SMG7: variants seen among roughly 807,000 people sequenced by gnomAD.
SMG7 encodes the protein nonsense-mediated mRNA decay factor SMG7.
Under a neutral mutation model 148.2 loss-of-function variants are expected in SMG7, and 34 were observed. That is an observed-to-expected ratio of 0.23 (90% CI 0.17 to 0.31). SMG7 has a LOEUF of 0.31. Ranked by LOEUF, SMG7 falls within the 10% of genes least tolerant of loss-of-function variation. The probability of loss-of-function intolerance (pLI) is 1.00; values close to 1 mark genes in which losing one functional copy is unlikely to be tolerated. For missense variants in SMG7, 1,114 were observed against 1,408.4 expected (o/e 0.79, Z 3.35); for synonymous variants, 492 against 515.1 (o/e 0.96, Z 0.61).
intron 1 of SMG7, among the ~76,000 whole-genome samples, chr1:183,482,600 A>G (rs544475462): frequency 3.5e-4 from 53 of 152,246 alleles, no homozygotes; most frequent in Admixed American, 9.2e-4. Context: ...GTACAGTACA[A>G]TATATTTTGA....
chr1:183,548,815 ATGTTAATGTTTTAAAAAT>A (rs1245817010), intron 18 of SMG7: 1 of 178,678 alleles, frequency 5.6e-6, no homozygotes, highest in African/African-American at 2.4e-5. Context: ...AAAGTCACCA[ATGTTAATGTTTTAAAAAT>A]TGTGGGGTGG....
chr1:183,522,562 A>C (rs899438600), intron 4 of SMG7, among the ~76,000 whole-genome samples: 2 of 152,154 alleles, frequency 1.3e-5, no homozygotes, highest in African/African-American at 4.8e-5. Context: ...TGAAATAGAG[A>C]TAAGTTTATA....
intron 1 of SMG7, among the ~76,000 whole-genome samples, chr1:183,495,270 CT>C (rs1658207562): frequency 6.6e-6 from 1 of 151,952 alleles, no homozygotes; most frequent in Admixed American, 6.6e-5. Flanking sequence ...GATTTATAGG[CT>C]TATAATTTTC....
chr1:183,526,689 A>C lies in SMG7; in HGVS notation c.406A>C (p.Thr136Pro). Reference sequence around the variant, plus strand: ...AATTATCAGCAATAAACAGACGCATACCAGCGCCATAGTGAAGCCACAGTC... The same window carrying C: ...AATTATCAGCAATAAACAGACGCATCCCAGCGCCATAGTGAAGCCACAGTC... ...LGIISNKQTH[T>P]SAIVKPQSSS... The change falls in exon 5 of 23, where the codon ACC becomes CCC. Residue 136 changes from threonine (T) to proline (P), a missense_variant. By Grantham distance (38) the Thr-to-Pro change is conservative. This residue lies in a region of SMG7 where 216 missense variants were observed against 329.1 expected (regional missense o/e 0.66). Coordinates refer to ENST00000688051, the MANE Select transcript of SMG7 (RefSeq NM_001375584.1). 1 of 1,613,850 alleles carries C rather than the reference A, an allele frequency of 6.2e-7. No individual in the cohort carries two copies. Among genetic ancestry groups the C allele is most frequent in the Non-Finnish European group, 8.5e-7 (1 of 1,179,834 alleles).
chr1:183,512,773 TGTTA>T (rs1331374275), intron 1 of SMG7, 60 bp from the exon 2 acceptor site: 13 of 1,443,636 alleles, frequency 9.0e-6, no homozygotes, highest in South Asian at 2.5e-5. Context: ...GTTATTTATA[TGTTA>T]GTTAGGCCTC....
intron 1 of SMG7, chr1:183,472,906 A>C: frequency 4.0e-5 from 14 of 347,932 alleles, no homozygotes; most frequent in South Asian, 1.3e-4. Flanking sequence ...AAGCGTGAGA[A>C]TGTGCGCGCG....
chr1:183,544,360 C>G lies in SMG7; in HGVS notation c.1850C>G (p.Ser617Cys). The G allele has an allele frequency of 6.2e-7, 1 of 1,613,582 alleles. No individual in the cohort carries two copies. Among genetic ancestry groups the G allele is most frequent in the Non-Finnish European group, 8.5e-7 (1 of 1,179,638 alleles). ...TGCTTCTATTGGTTACAGGTAAAAT[C>G]CCAGACAGAACTAAGAAAGACTCCA... ...GKQNVAVQVK[S>C]QTELRKTPVS... Residue 617 changes from serine to cysteine, a missense_variant, in exon 15 of 23, where the codon TCC becomes TGC. By Grantham distance (112) the Ser-to-Cys change is moderately radical. Around this residue, in one of 4 missense-constraint regions of SMG7, gnomAD observed 788 missense variants for 894.5 expected, o/e 0.88. Transcript: ENST00000688051.
intron 4 of SMG7, among the ~76,000 whole-genome samples, chr1:183,526,335 G>A (rs1231714086): frequency 6.6e-6 from 1 of 151,272 alleles, no homozygotes; most frequent in Non-Finnish European, 1.5e-5. Context: ...TGTATTTTTA[G>A]TAGAGACGGG....
intron 1 of SMG7, among the ~76,000 whole-genome samples, chr1:183,501,996 A>G (rs1263342877): frequency 6.6e-6 from 1 of 152,148 alleles, no homozygotes; most frequent in Non-Finnish European, 1.5e-5. Context: ...TTTGTCCTGT[A>G]GTGATCACTC....
In SMG7 at chr1:183,553,511, C is replaced by T. The variant is rs980389426; in HGVS notation, c.*1580C>T. Reference sequence around the variant, plus strand: ...GCTGGAAGACAGCTGTAGAGCAAAGCACATCCAGGAGCCCCAGTTGTCACT... The same window carrying T: ...GCTGGAAGACAGCTGTAGAGCAAAGTACATCCAGGAGCCCCAGTTGTCACT... On this transcript the variant is annotated 3_prime_UTR_variant, in exon 23 of 23. Transcript: ENST00000688051. 3 of 289,552 alleles carry T rather than the reference C, an allele frequency of 1.0e-5. No individual in the cohort carries two copies. The highest frequency in any genetic ancestry group is 4.4e-5 in the African/African-American group (2 of 45,936). The allele number at this position is 289,552 out of a possible 1,614,324, so 17.9% of individuals were successfully genotyped here.
chr1:183,510,923 G>A (rs535322329), intron 1 of SMG7, among the ~76,000 whole-genome samples: 9 of 151,942 alleles, frequency 5.9e-5, no homozygotes, highest in African/African-American at 2.2e-4. Flanking sequence ...CCTGGGAGGC[G>A]GAGCTTGCAG....
In SMG7 at chr1:183,552,154, A is replaced by G; in HGVS notation, c.*223A>G. The G allele has an allele frequency of 8.3e-7, 1 of 1,197,806 alleles. No homozygotes were observed. The highest frequency in any genetic ancestry group is 1.0e-6 in the Non-Finnish European group (1 of 958,646). 74.2% of individuals were successfully genotyped at this position (1,197,806 alleles called of 1,614,324 possible). On this transcript the variant is annotated 3_prime_UTR_variant, in exon 23 of 23. Coordinates refer to ENST00000688051, the MANE Select transcript of SMG7 (RefSeq NM_001375584.1). ...TCTCCGTCCCCCCGGGGCCCTCCGGAGGGAGAGAGAGAGGAACTGCTGTTT... is the reference window on the plus strand; with the variant it reads ...TCTCCGTCCCCCCGGGGCCCTCCGGGGGGAGAGAGAGAGGAACTGCTGTTT...
At chr1:183,473,378 G>A (rs1223251602) in intron 1 of SMG7, among the ~76,000 whole-genome samples, 3 of 152,012 alleles carry the variant, frequency 2.0e-5, no homozygotes, top group Non-Finnish European at 4.4e-5. Context: ...GTGGTGTAAG[G>A]AACTTGTATG....
intron 1 of SMG7, among the ~76,000 whole-genome samples, chr1:183,508,970 AGTTT>A (rs1661571344): frequency 6.6e-6 from 1 of 152,180 alleles, no homozygotes; most frequent in Admixed American, 6.6e-5. Flanking sequence ...AACTTAAAGA[AGTTT>A]TACTTTTGTT....
At chr1:183,503,683 A>G (rs973076155) in intron 1 of SMG7, among the ~76,000 whole-genome samples, 1 of 152,228 alleles carries the variant, frequency 6.6e-6, no homozygotes, top group South Asian at 2.1e-4. Flanking sequence ...CCAGATTAGC[A>G]AAAGTAATTT....
chr1:183,477,818 A>G (rs956730616), intron 1 of SMG7, among the ~76,000 whole-genome samples: 3 of 152,062 alleles, frequency 2.0e-5, no homozygotes, highest in Non-Finnish European at 4.4e-5. Flanking sequence ...GTCTATGCAC[A>G]TATGTGTGTA....
At chr1:183,515,808 T>G in intron 2 of SMG7, 66 bp from the exon 3 acceptor site, 2 of 897,856 alleles carry the variant, frequency 2.2e-6, no homozygotes, top group Non-Finnish European at 3.6e-6. Flanking sequence ...GTCACTGGTG[T>G]GGTATAATGG....
intron 16 of SMG7, 53 bp from the exon 17 acceptor site, chr1:183,545,913 A>G: frequency 2.0e-6 from 3 of 1,519,286 alleles, no homozygotes; most frequent in African/African-American, 1.4e-5. Context: ...AGCATTCATT[A>G]TAAGTAATAT....
intron 5 of SMG7, 112 bp downstream of exon 5, chr1:183,526,879 C>A: frequency 2.4e-6 from 2 of 830,578 alleles, no homozygotes; most frequent in Non-Finnish European, 3.5e-6. Context: ...TTTAGATTGT[C>A]ATAAGAAGAA....
Sources: allele counts gnomAD v4.1 joint callset (sites outside exome capture counted in the v4.1 genomes callset), GRCh38; gene constraint gnomAD v4.1.1; regional missense constraint gnomAD v4.1.1; transcripts MANE v1.5; gene names NCBI Gene and HGNC (gene_info 2026-07-23, HGNC 2026-07-21).